IGFN1: variants seen among roughly 807,000 people sequenced by gnomAD.
IGFN1 encodes immunoglobulin like and fibronectin type III domain containing 1.
A neutral mutation model predicts 289.5 loss-of-function variants in IGFN1; 253 were observed. The ratio of observed to expected loss-of-function variants is 0.87; its 90% CI spans 0.79 to 0.97. The LOEUF is 0.97. Ranked by LOEUF, IGFN1 falls within the 50% of genes least tolerant of loss-of-function variation. The pLI is 0.00. For missense variants in IGFN1, 4,470 were observed against 4,686.1 expected (o/e 0.95, Z 1.35); for synonymous variants, 1,706 against 1,788.5 (o/e 0.95, Z 1.16).
intron 23 of IGFN1, 134 bp from the exon 24 acceptor site, chr1:201,228,252 C>T (rs528945785): frequency 7.7e-6 from 7 of 913,570 alleles, no homozygotes; most frequent in Non-Finnish European, 1.3e-5. Context: ...CGTGGTGGCT[C>T]CAGATTTGAA....
In IGFN1 at chr1:201,206,360, C is replaced by T. The variant is rs552877515; in HGVS notation, c.1467C>T (p.Gly489=). 25 of 1,550,444 alleles carry T rather than the reference C, an allele frequency of 1.6e-5. No individual in the cohort carries two copies. Among genetic ancestry groups the T allele is most frequent in the African/African-American group, 6.8e-5 (5 of 73,156 alleles). The change falls in exon 12 of 24, where the codon GGC becomes GGT. Residue 489 remains glycine (G), a synonymous_variant. Coordinates refer to ENST00000335211, the MANE Select transcript of IGFN1 (RefSeq NM_001164586.2). The part of the protein sequence containing the change: ...ADSAWGPGQE[G]EGFPVAEGSR... ...CAGCCTGGGGCCCTGGACAGGAGGGCGAGGGCTTTCCAGTAGCAGAGGGAA... is the reference window on the plus strand; with the variant it reads ...CAGCCTGGGGCCCTGGACAGGAGGGTGAGGGCTTTCCAGTAGCAGAGGGAA...
rs1339192892 is a variant in IGFN1 at position 201,207,342 on chromosome 1, C to T, written c.2449C>T (p.Gln817Ter). The change falls in exon 12 of 24, where the codon CAG becomes TAG. Residue 817 changes from glutamine (Q) to a stop codon, truncating the protein, a stop_gained. Coordinates refer to ENST00000335211, the MANE Select transcript of IGFN1 (RefSeq NM_001164586.2). LOFTEE classifies it high-confidence loss of function. The stretch of plus-strand genomic sequence containing the variant: ...TGACCCCAGAAGCTTCCAGTCTTCC[C>T]AGGGCTGGACAGCAGGTCACAGAGC... ...EYDPRSFQSSQGWTAGHRAAG... is the reference protein window; with the variant it reads ...EYDPRSFQSS 1 of 1,536,932 alleles carries T rather than the reference C, an allele frequency of 6.5e-7. No homozygotes were observed. The highest frequency in any genetic ancestry group is 8.7e-7 in the Non-Finnish European group (1 of 1,146,874).
chr1:201,193,044 C>A (rs1666727798), intron 1 of IGFN1, among the ~76,000 whole-genome samples: 1 of 152,120 alleles, frequency 6.6e-6, no homozygotes, highest in African/African-American at 2.4e-5. Flanking sequence ...GCTACCCACT[C>A]CCTGGTCTCT....
Position 201,206,864 on chromosome 1 carries a change from T to C in IGFN1, c.1971T>C (p.Gly657=). 6.5e-7 allele frequency: 1 copy of C among 1,535,986 alleles called. No homozygotes were observed. Among genetic ancestry groups the C allele is most frequent in the Non-Finnish European group, 8.7e-7 (1 of 1,146,378 alleles). The change falls in exon 12 of 24, where the codon GGT becomes GGC. Residue 657 remains glycine, a synonymous_variant. Transcript: ENST00000335211. ...ERGRGIVVWG[G]GTGLGEAGDS... is the part of the protein sequence containing the mutation. ...GGAGAGGAATAGTAGTGTGGGGTGG[T>C]GGGACTGGCCTGGGAGAAGCTGGAG...
rs1231849326 is a variant in IGFN1, at chr1:201,215,686, G to A, written c.9143G>A (p.Gly3048Asp). ...AWRKDGAEVV[G>D]SSDREAQVDL... ...AGGAAGGACGGGGCTGAGGTGGTGG[G>A]CAGCAGTGACAGGGAGGCCCAGGTG... Residue 3048 changes from glycine to aspartate, a missense_variant, in exon 15 of 24, where the codon GGC becomes GAC. Around this residue, in one of 8 missense-constraint regions of IGFN1, gnomAD observed 2,218 missense variants for 2,114.1 expected, o/e 1.05. Coordinates refer to ENST00000335211, the MANE Select transcript of IGFN1 (RefSeq NM_001164586.2). The A allele has an allele frequency of 5.0e-6, 8 of 1,613,888 alleles. No homozygotes were observed. Among genetic ancestry groups the A allele is most frequent in the Non-Finnish European group, 6.8e-6 (8 of 1,179,932 alleles).
Position 201,205,291 on chromosome 1 carries a change from G to A in IGFN1, c.1126G>A (p.Asp376Asn). The A allele has an allele frequency of 1.3e-6, 2 of 1,550,602 alleles. No individual in the cohort carries two copies. Among genetic ancestry groups the A allele is most frequent in the Non-Finnish European group, 1.7e-6 (2 of 1,146,740 alleles). Residue 376 changes from aspartate to asparagine, a missense_variant, in exon 11 of 24, where the codon GAC becomes AAC. Around this residue, in one of 8 missense-constraint regions of IGFN1, gnomAD observed 2,011 missense variants for 1,953.4 expected, o/e 1.03. Transcript: ENST00000335211. ...RLVVRGARFS[D>N]MGPYSLGTGL... ...GGTGGTGAGGGGGGCACGTTTCTCA[G>A]ACATGGGCCCCTATTCGCTGGGCAC...
rs774117129 is a variant in IGFN1, at chr1:201,211,163, T to C, written c.6270T>C (p.Asp2090=). 7.9e-6 allele frequency: 12 copies of C among 1,527,100 alleles called. No individual in the cohort carries two copies. The highest frequency in any genetic ancestry group is 1.1e-5 in the Non-Finnish European group (12 of 1,142,300). 94.6% of individuals were successfully genotyped at this position (1,527,100 alleles called of 1,614,324 possible). The change falls in exon 12 of 24, where the codon GAT becomes GAC. Residue 2090 remains aspartate (D), a synonymous_variant. Coordinates refer to ENST00000335211, the MANE Select transcript of IGFN1 (RefSeq NM_001164586.2). The stretch of plus-strand genomic sequence containing the variant: ...CAGGGAGTAAGACAGGTTTCAGGGA[T>C]GGTTTAGGGGGTTCTGAAGAAATGG... ...MGSGSKTGFR[D]GLGGSEEMES...
rs976104964 is a variant in IGFN1, at chr1:201,206,661, A to G, written c.1768A>G (p.Arg590Gly). The G allele has an allele frequency of 6.5e-7, 1 of 1,537,540 alleles. No homozygotes were observed. Among genetic ancestry groups the G allele is most frequent in the Admixed American group, 2.0e-5 (1 of 50,978 alleles). The change falls in exon 12 of 24, where the codon AGG (arginine) becomes GGG (glycine). Residue 590 changes from arginine (R) to glycine (G), a missense_variant. By Grantham distance (125) the Arg-to-Gly change is moderately radical. Coordinates refer to ENST00000335211, the MANE Select transcript of IGFN1 (RefSeq NM_001164586.2). The part of the protein sequence containing the change: ...HRGDSGRQLD[R>G]HAPEQLWDAR... ...AGGGGACAGTGGAAGACAACTGGAC[A>G]GGCATGCCCCAGAGCAACTGTGGGA... is the stretch of plus-strand genomic sequence containing the variant.
At chr1:201,205,861 G>T (rs1184921849) in intron 11 of IGFN1, among the ~76,000 whole-genome samples, 2 of 152,224 alleles carry the variant, frequency 1.3e-5, no homozygotes, top group African/African-American at 4.8e-5. Flanking sequence ...TGGCCTGCGG[G>T]TATAGGACTA....
In IGFN1 at chr1:201,213,391, G is replaced by T. The variant is rs1244816155; in HGVS notation, c.8498G>T (p.Arg2833Met). 1 of 1,613,846 alleles carries T rather than the reference G, an allele frequency of 6.2e-7. No homozygotes were observed. The highest frequency in any genetic ancestry group is 1.1e-5 in the South Asian group (1 of 91,038). ...SGAEVGGGKR[R>M]GADEAGSMGW... ...GCTGAGGTTGGAGGAGGAAAGAGAA[G>T]GGGAGCAGACGAGGCTGGAAGCATG... The change falls in exon 12 of 24, where the codon AGG becomes ATG. Residue 2833 changes from arginine (R) to methionine (M), a missense_variant. Transcript: ENST00000335211.
rs774425496 is a variant in IGFN1, at chr1:201,208,664, A to T, written c.3771A>T (p.Gly1257=). The part of the protein sequence containing the change: ...GGEAGFRDGS[G]GLQGMGSADG... ...AGGCAGGCTTTAGAGATGGTTCAGG[A>T]GGCCTCCAAGGAATGGGATCAGCAG... Residue 1257 remains glycine (G), a synonymous_variant, in exon 12 of 24, where the codon GGA becomes GGT. Transcript: ENST00000335211. 1 of 1,536,348 alleles carries T rather than the reference A, an allele frequency of 6.5e-7. No individual in the cohort carries two copies. The highest frequency in any genetic ancestry group is 1.2e-5 in the South Asian group (1 of 83,894).
At chr1:201,196,476 C>T (rs548764199) in intron 4 of IGFN1, among the ~76,000 whole-genome samples, 192 of 152,296 alleles carry the variant, frequency 1.3e-3, no homozygotes, top group African/African-American at 4.2e-3. Context: ...TCCCAAGTAG[C>T]TGAGATTACA....
At position 201,207,999 on chromosome 1, in the gene IGFN1, G is replaced by T; in HGVS notation, c.3106G>T (p.Val1036Phe). The change falls in exon 12 of 24, where the codon GTT becomes TTT. Residue 1036 changes from valine (V) to phenylalanine (F), a missense_variant. By Grantham distance (50) the Val-to-Phe change is conservative. Coordinates refer to ENST00000335211, the MANE Select transcript of IGFN1 (RefSeq NM_001164586.2). ...SGPAGGGSGRVASLKNGSGGP... is the reference protein window; with the variant it reads ...SGPAGGGSGRFASLKNGSGGP... ...CCCTGCAGGAGGAGGGTCTGGGAGA[G>T]TTGCCAGTCTTAAAAATGGCTCAGG... 6.5e-7 allele frequency: 1 copy of T among 1,536,936 alleles called. No homozygotes were observed. Among genetic ancestry groups the T allele is most frequent in the Non-Finnish European group, 8.7e-7 (1 of 1,146,824 alleles).
At position 201,224,855 on chromosome 1, in the gene IGFN1, C is replaced by T. The variant is rs1211644885; in HGVS notation, c.10467C>T (p.Ser3489=). ...TGCAGGGGAAGGAGGTTGCCCACAGCTTCCGTATCAGGGTGGCAGGTGAGG... is the reference window on the plus strand; with the variant it reads ...TGCAGGGGAAGGAGGTTGCCCACAGTTTCCGTATCAGGGTGGCAGGTGAGG... ...RTLQGKEVAH[S]FRIRVAACPQ... The change falls in exon 21 of 24, where the codon AGC becomes AGT. Residue 3489 remains serine (S), a synonymous_variant. Coordinates refer to ENST00000335211, the MANE Select transcript of IGFN1 (RefSeq NM_001164586.2). 6.2e-7 allele frequency: 1 copy of T among 1,613,606 alleles called. No individual in the cohort carries two copies. Among genetic ancestry groups the T allele is most frequent in the Admixed American group, 1.7e-5 (1 of 59,982 alleles).
intron 8 of IGFN1, among the ~76,000 whole-genome samples, chr1:201,201,442 T>G (rs1196294576): frequency 1.3e-5 from 2 of 152,216 alleles, no homozygotes; most frequent in Non-Finnish European, 2.9e-5. Context: ...GGTGTTCAAC[T>G]AATGTTCGTT....
Position 201,213,481 on chromosome 1 carries a change from G to C in IGFN1, c.8588G>C (p.Arg2863Pro). ...GAGATGCTGAATGAAGATCAGAGCC[G>C]GGAGCCCCCTGGTCACCTTGGTAGC... ...LEEMLNEDQS[R>P]EPPGHLGSRR... The change falls in exon 12 of 24, where the codon CGG becomes CCG. Residue 2863 changes from arginine to proline, a missense_variant. Coordinates refer to ENST00000335211, the MANE Select transcript of IGFN1 (RefSeq NM_001164586.2). 6.2e-7 allele frequency: 1 copy of C among 1,614,038 alleles called. No homozygotes were observed. Among genetic ancestry groups the C allele is most frequent in the Non-Finnish European group, 8.5e-7 (1 of 1,179,956 alleles).
At chr1:201,199,527 G>A in intron 6 of IGFN1, 82 bp from the exon 7 acceptor site, 4 of 1,443,516 alleles carry the variant, frequency 2.8e-6, no homozygotes, top group Non-Finnish European at 3.8e-6. Flanking sequence ...TCAGTTGTCA[G>A]CATGGACAAC....
In IGFN1 at chr1:201,206,719, A is replaced by G. The variant is rs1667443162; in HGVS notation, c.1826A>G (p.Asp609Gly). Residue 609 changes from aspartate to glycine, a missense_variant, in exon 12 of 24, where the codon GAC becomes GGC. Around this residue, in one of 8 missense-constraint regions of IGFN1, gnomAD observed 2,011 missense variants for 1,953.4 expected, o/e 1.03. Transcript: ENST00000335211. ...CTGGGACCTGGGAGAGGAAAGAGCGACCTGCAGGGATGCCAGTCTGATCCT... is the reference window on the plus strand; with the variant it reads ...CTGGGACCTGGGAGAGGAAAGAGCGGCCTGCAGGGATGCCAGTCTGATCCT... ...ARLGPGRGKS[D>G]LQGCQSDPVG... 1 of 1,536,782 alleles carries G rather than the reference A, an allele frequency of 6.5e-7. No individual in the cohort carries two copies. Among genetic ancestry groups the G allele is most frequent in the East Asian group, 2.4e-5 (1 of 40,910 alleles).
intron 22 of IGFN1, 23 bp downstream of exon 22, chr1:201,226,146 G>A (rs1439343383): frequency 1.3e-6 from 2 of 1,556,408 alleles, no homozygotes; most frequent in Non-Finnish European, 1.7e-6. Context: ...TGAGAGGGAG[G>A]AGCAGGCAGG....
Sources: gnomAD v4.1 joint callset for allele counts (sites outside exome capture counted in the v4.1 genomes callset) on GRCh38, gnomAD v4.1.1 for gene constraint, gnomAD v4.1.1 regional missense constraint, MANE v1.5 for transcripts, NCBI Gene and HGNC (gene_info 2026-07-23, HGNC 2026-07-21) for gene names.